The following ZFPM2 variants were observed in gnomAD, a reference collection of about 807,000 sequenced individuals.
ZFPM2 encodes zinc finger protein, FOG family member 2.
A neutral mutation model predicts 98.6 loss-of-function variants in ZFPM2; 20 were observed. The observed-to-expected ratio is 0.20, with a 90% CI of 0.14 to 0.29. The LOEUF is 0.29. ZFPM2 is among the 10% of genes least tolerant of loss of function. ZFPM2 has a pLI of 1.00. For missense variants in ZFPM2, 1,310 were observed against 1,388.6 expected (o/e 0.94, Z 0.90); for synonymous variants, 518 against 502.7 (o/e 1.03, Z -0.41).
At chr8:105,368,349 G>T (rs1810549814) in intron 1 of ZFPM2, among the ~76,000 whole-genome samples, 1 of 152,056 alleles carries the variant, frequency 6.6e-6, no homozygotes, top group Non-Finnish European at 1.5e-5. Flanking sequence ...GTAATAACTG[G>T]TTACTAGTAC....
intron 5 of ZFPM2, among the ~76,000 whole-genome samples, chr8:105,701,268 T>C (rs1285209422): frequency 2.0e-5 from 3 of 152,180 alleles, no homozygotes; most frequent in Admixed American, 6.5e-5. Context: ...ATTTCTGAAA[T>C]GCTATTATAA....
At chr8:105,722,262 A>G (rs1811685592) in intron 5 of ZFPM2, among the ~76,000 whole-genome samples, 1 of 151,762 alleles carries the variant, frequency 6.6e-6, no homozygotes, top group Non-Finnish European at 1.5e-5. Flanking sequence ...TCATACCAAT[A>G]TATTTTCTAG....
intron 5 of ZFPM2, among the ~76,000 whole-genome samples, chr8:105,693,791 ATATT>A (rs1471046361): frequency 6.6e-6 from 1 of 151,968 alleles, no homozygotes; most frequent in Non-Finnish European, 1.5e-5. Context: ...ATATTTGTAC[ATATT>A]TATGGGGTAC....
intron 5 of ZFPM2, among the ~76,000 whole-genome samples, chr8:105,717,821 A>C (rs1354477188): frequency 1.3e-5 from 2 of 151,838 alleles, no homozygotes; most frequent in Non-Finnish European, 2.9e-5. Context: ...CCTTGTCTTT[A>C]TGTAAAGACA....
At chr8:105,587,659 C>G (rs1815752693) in intron 4 of ZFPM2, among the ~76,000 whole-genome samples, 1 of 152,038 alleles carries the variant, frequency 6.6e-6, no homozygotes, top group South Asian at 2.1e-4. Flanking sequence ...CTATAAAGCA[C>G]AAATAATAAT....
intron 5 of ZFPM2, among the ~76,000 whole-genome samples, chr8:105,682,051 A>C (rs185564739): frequency 6.6e-6 from 1 of 152,240 alleles, no homozygotes; most frequent in East Asian, 1.9e-4. Context: ...GAGAAAAATG[A>C]GGGCCAGAAA....
intron 3 of ZFPM2, among the ~76,000 whole-genome samples, chr8:105,449,293 C>G (rs911444363): frequency 2.0e-5 from 3 of 151,924 alleles, no homozygotes; most frequent in Non-Finnish European, 2.9e-5. Context: ...CTTAAATATG[C>G]AAATAAGTAC....
At chr8:105,434,957 GTGTT>G (rs1489156857) in intron 2 of ZFPM2, among the ~76,000 whole-genome samples, 1 of 152,178 alleles carries the variant, frequency 6.6e-6, no homozygotes, top group African/African-American at 2.4e-5. Context: ...CAGTGAAAAG[GTGTT>G]TGTTTGTGGT....
At chr8:105,619,137 TCA>T (rs1246107892) in intron 4 of ZFPM2, among the ~76,000 whole-genome samples, 1 of 152,152 alleles carries the variant, frequency 6.6e-6, no homozygotes. Context: ...GGAGACGGCC[TCA>T]GTGTTATTAA....
intron 5 of ZFPM2, among the ~76,000 whole-genome samples, chr8:105,782,039 C>G (rs937601059): frequency 6.6e-6 from 1 of 152,174 alleles, no homozygotes; most frequent in African/African-American, 2.4e-5. Flanking sequence ...CAGTTCCCCT[C>G]TAGCTGTGTG....
At chr8:105,648,737 A>G (rs1018110045) in intron 5 of ZFPM2, among the ~76,000 whole-genome samples, 6 of 152,062 alleles carry the variant, frequency 3.9e-5, no homozygotes, top group Non-Finnish European at 7.4e-5. Flanking sequence ...ATTGGTCTGT[A>G]TCTCTGTTTT....
At chr8:105,513,302 C>T (rs1813853144) in intron 3 of ZFPM2, among the ~76,000 whole-genome samples, 1 of 152,106 alleles carries the variant, frequency 6.6e-6, no homozygotes, top group South Asian at 2.1e-4. Context: ...CACTAAAATC[C>T]TCAGGTAGCG....
chr8:105,738,977 A>G (rs1812152880), intron 5 of ZFPM2, among the ~76,000 whole-genome samples: 1 of 152,066 alleles, frequency 6.6e-6, no homozygotes, highest in Non-Finnish European at 1.5e-5. Context: ...TTTAGGCACA[A>G]TCTATACAGA....
At chr8:105,509,303 A>G (rs2130501010) in intron 3 of ZFPM2, among the ~76,000 whole-genome samples, 1 of 152,208 alleles carries the variant, frequency 6.6e-6, no homozygotes, top group African/African-American at 2.4e-5. Flanking sequence ...CTTGGAGGGT[A>G]AGCTTCCCTG....
intron 4 of ZFPM2, among the ~76,000 whole-genome samples, chr8:105,621,286 G>A (rs1254800383): frequency 6.6e-6 from 1 of 152,088 alleles, no homozygotes; most frequent in Non-Finnish European, 1.5e-5. Flanking sequence ...TCTCTTTGAA[G>A]CAATTGTGAA....
At position 105,442,643 on chromosome 8, in the gene ZFPM2, C is replaced by T. The variant is rs552709035; in HGVS notation, c.200-1637C>T. On this transcript the variant is annotated intron_variant, in intron 2 of 7. Transcript: ENST00000407775. ...TTTATGTATTTTATTCTTTAATATC[C>T]ACTAGAATCCGTGCTCTCCGTTAAG... Among the ~76,000 whole-genome samples the T allele has an allele frequency of 2.0e-5, 3 of 152,176 alleles. No homozygotes were observed. In the South Asian group the frequency reaches 6.2e-4, roughly 32 times the overall value.
chr8:105,530,095 T>C (rs965866714), intron 3 of ZFPM2, among the ~76,000 whole-genome samples: 1 of 152,092 alleles, frequency 6.6e-6, no homozygotes, highest in Admixed American at 6.6e-5. Context: ...TAAATCTGAT[T>C]AAAAATCGGG....
At chr8:105,380,657 A>ATTATATATAACATATATATTATATATATG (rs1810839565) in intron 1 of ZFPM2, among the ~76,000 whole-genome samples, 1 of 27,674 alleles carries the variant, frequency 3.6e-5, no homozygotes, top group South Asian at 7.9e-4. Context: ...ATATATATAT[A>ATTATATATAACATATATATTATATATATG]TTATATATAA....
At chr8:105,356,638 G>A (rs887306441) in intron 1 of ZFPM2, among the ~76,000 whole-genome samples, 2 of 152,180 alleles carry the variant, frequency 1.3e-5, no homozygotes, top group African/African-American at 4.8e-5. Flanking sequence ...CAGTTTGCAT[G>A]TGCAGAAATA....
Sources: gnomAD v4.1 joint callset for allele counts (sites outside exome capture counted in the v4.1 genomes callset) on GRCh38, gnomAD v4.1.1 for gene constraint, MANE v1.5 for transcripts, NCBI Gene and HGNC (gene_info 2026-07-23, HGNC 2026-07-21) for gene names.